Variants in LHFPL4 observed in about 807,000 individuals in gnomAD.
LHFPL4 encodes the protein LHFPL tetraspan subfamily member 4.
A neutral mutation model predicts 20.0 loss-of-function variants in LHFPL4; 6 were observed. The ratio of observed to expected loss-of-function variants is 0.30; its 90% CI spans 0.16 to 0.59. The LOEUF is 0.59. Among genes scored for constraint, LHFPL4 ranks in the 20% least tolerant of loss-of-function variants. The probability of loss-of-function intolerance (pLI) is 0.88; values close to 1 mark genes in which losing one functional copy is unlikely to be tolerated. For synonymous variants in LHFPL4, 129 were observed against 143.8 expected (o/e 0.90, Z 0.74); for missense variants, 215 against 331.2 (o/e 0.65, Z 2.72).
chr3:9,515,772 G>A lies in LHFPL4; in HGVS notation c.407-9569C>T, dbSNP rs2046296302. Among the ~76,000 whole-genome samples, 5 of 151,574 alleles carry A rather than the reference G, an allele frequency of 3.3e-5. No homozygotes were observed. In the South Asian group the frequency reaches 1.0e-3, roughly 32 times the overall value. On this transcript the variant is annotated intron_variant, in intron 2 of 3. Coordinates refer to ENST00000287585, the MANE Select transcript of LHFPL4 (RefSeq NM_198560.3). ...GTCTCCCTCTGTCACCCAGGCTGGA[G>A]TGGGATGATCTCGGCTCACTGCAAC...
chr3:9,531,121 G>C (rs540017509), intron 2 of LHFPL4, among the ~76,000 whole-genome samples: 1 of 152,184 alleles, frequency 6.6e-6, no homozygotes, highest in Non-Finnish European at 1.5e-5. Context: ...CATGGGCGCA[G>C]TTCATGGTGC....
At chr3:9,535,048 A>G (rs1284413560) in intron 2 of LHFPL4, among the ~76,000 whole-genome samples, 1 of 152,158 alleles carries the variant, frequency 6.6e-6, no homozygotes, top group Non-Finnish European at 1.5e-5. Flanking sequence ...CTCCTACTAT[A>G]TCGATACAGG....
chr3:9,514,368 G>T (rs2046283917), intron 2 of LHFPL4, among the ~76,000 whole-genome samples: 1 of 152,050 alleles, frequency 6.6e-6, no homozygotes, highest in African/African-American at 2.4e-5. Context: ...GTAGTTTTAG[G>T]TTCACAGCAA....
At chr3:9,538,045 T>C (rs2046454046) in intron 2 of LHFPL4, among the ~76,000 whole-genome samples, 1 of 152,156 alleles carries the variant, frequency 6.6e-6, no homozygotes, top group Admixed American at 6.6e-5. Context: ...GACCCAATTA[T>C]CTGTAAGAAA....
chr3:9,547,302 T>C (rs1328251754), intron 2 of LHFPL4, among the ~76,000 whole-genome samples: 3 of 152,216 alleles, frequency 2.0e-5, no homozygotes, highest in Admixed American at 6.5e-5. Flanking sequence ...AGTCCTGTGG[T>C]CTTACACGAC....
rs767773414 is a variant in LHFPL4, at chr3:9,502,267, C to G, written c.688G>C (p.Asp230His). The change falls in exon 4 of 4, where the codon GAT (aspartate) becomes CAT (histidine). Residue 230 changes from aspartate (D) to histidine (H), a missense_variant. By Grantham distance (81) the Asp-to-His change is moderately conservative (BLOSUM62 -1). Around this residue, in one of 2 missense-constraint regions of LHFPL4, gnomAD observed 51 missense variants for 44.5 expected, o/e 1.15. Transcript: ENST00000287585. ...GGAAGGACTCCCCATCCAGAGACAT[C>G]ACCCCCGGGCCGCAACACGGAGCTT... ...TVSSVLRPGG[D>H]VSGWGVLPCP... The G allele has an allele frequency of 1.9e-6, 3 of 1,614,006 alleles. No homozygotes were observed. The South Asian group carries it at 3.3e-5, about 18-fold the overall frequency.
intron 2 of LHFPL4, among the ~76,000 whole-genome samples, chr3:9,525,379 T>C (rs2046366869): frequency 6.6e-6 from 1 of 152,256 alleles, no homozygotes; most frequent in Non-Finnish European, 1.5e-5. Flanking sequence ...CATAAAGGTT[T>C]CTGCTCATGG....
At position 9,499,710 on chromosome 3, in the gene LHFPL4, C is replaced by G. The variant is rs2046157013; in HGVS notation, c.*2501G>C. 6.6e-6 allele frequency: 1 copy of G among 152,274 alleles called. No homozygotes were observed. Among genetic ancestry groups the G allele is most frequent in the South Asian group, 2.1e-4 (1 of 4,838 alleles). The allele number at this position is 152,274 out of a possible 1,614,324, so 9.4% of individuals were successfully genotyped here. ...CCAGCCTCTGAAAGGTCAGTTCTAT[C>G]CCCCGCACCAGGGCACAGGTTTGGT... On this transcript the variant is annotated 3_prime_UTR_variant, in exon 4 of 4. Coordinates refer to ENST00000287585, the MANE Select transcript of LHFPL4 (RefSeq NM_198560.3).
intron 3 of LHFPL4, among the ~76,000 whole-genome samples, chr3:9,505,028 C>A (rs2046207282): frequency 6.6e-6 from 1 of 151,928 alleles, no homozygotes; most frequent in Non-Finnish European, 1.5e-5. Flanking sequence ...CAGCTGTGAG[C>A]TGCTCTGTGA....
chr3:9,523,067 G>GA (rs1423407419), intron 2 of LHFPL4, among the ~76,000 whole-genome samples: 1 of 79,048 alleles, frequency 1.3e-5, no homozygotes, highest in Non-Finnish European at 2.4e-5. Flanking sequence ...AAGAAAGAAA[G>GA]AAAGAAAAGG....
In LHFPL4 at chr3:9,504,159, C is replaced by T. The variant is rs571691343; in HGVS notation, c.643+1808G>A. ...GCTGAGGCAGGCAGATCACTTGAGG[C>T]CAGGAGTTTGAGACCAGCCTGGCCA... On this transcript the variant is annotated intron_variant, in intron 3 of 3. Coordinates refer to ENST00000287585, the MANE Select transcript of LHFPL4 (RefSeq NM_198560.3). 7.2e-5 allele frequency among the ~76,000 whole-genome samples: 11 copies of T among 152,204 alleles called. 1 individual carries two copies. In the South Asian group the frequency reaches 1.2e-3, roughly 17 times the overall value.
chr3:9,524,491 T>C (rs1574845790), intron 2 of LHFPL4, among the ~76,000 whole-genome samples: 1 of 152,206 alleles, frequency 6.6e-6, no homozygotes, highest in Non-Finnish European at 1.5e-5. Flanking sequence ...TACTGACATA[T>C]CTTTGAATTC....
chr3:9,514,600 T>C (rs1367066338), intron 2 of LHFPL4, among the ~76,000 whole-genome samples: 1 of 152,350 alleles, frequency 6.6e-6, no homozygotes, highest in Middle Eastern at 3.4e-3. Context: ...TTATGTACCA[T>C]TGTAGCATAT....
At chr3:9,513,691 C>A (rs1401852861) in intron 2 of LHFPL4, among the ~76,000 whole-genome samples, 1 of 152,174 alleles carries the variant, frequency 6.6e-6, no homozygotes, top group East Asian at 1.9e-4. Context: ...CGAACCTAGT[C>A]CTAACTGGCA....
chr3:9,542,368 T>C (rs1185854044), intron 2 of LHFPL4, among the ~76,000 whole-genome samples: 2 of 152,146 alleles, frequency 1.3e-5, no homozygotes, highest in African/African-American at 4.8e-5. Flanking sequence ...CAAATGTCCA[T>C]CAGCTGATGA....
chr3:9,544,718 C>T (rs2046500887), intron 2 of LHFPL4, among the ~76,000 whole-genome samples: 1 of 152,176 alleles, frequency 6.6e-6, no homozygotes, highest in Non-Finnish European at 1.5e-5. Flanking sequence ...CCCACTTCCC[C>T]AGTCTCAACT....
chr3:9,523,329 G>A (rs193196353), intron 2 of LHFPL4, among the ~76,000 whole-genome samples: 10 of 151,308 alleles, frequency 6.6e-5, no homozygotes, highest in African/African-American at 2.4e-4. Flanking sequence ...TGCAGTGAGT[G>A]GAGATCGCGC....
At chr3:9,524,427 G>C (rs1266897005) in intron 2 of LHFPL4, among the ~76,000 whole-genome samples, 1 of 151,954 alleles carries the variant, frequency 6.6e-6, no homozygotes, top group Non-Finnish European at 1.5e-5. Flanking sequence ...ATTCAAGTTT[G>C]TTTGTTAGTT....
chr3:9,542,565 G>C (rs772355966), intron 2 of LHFPL4, among the ~76,000 whole-genome samples: 6 of 152,092 alleles, frequency 3.9e-5, no homozygotes, highest in Non-Finnish European at 8.8e-5. Flanking sequence ...CCATCACTTT[G>C]GGAGATCGAG....
Sources: allele counts gnomAD v4.1 joint callset (sites outside exome capture counted in the v4.1 genomes callset), GRCh38; gene constraint gnomAD v4.1.1; regional missense constraint gnomAD v4.1.1; transcripts MANE v1.5; gene names NCBI Gene and HGNC (gene_info 2026-07-23, HGNC 2026-07-21).